MPPED1: variants seen among roughly 807,000 people sequenced by gnomAD.
MPPED1 encodes metallophosphoesterase domain containing 1, also known as metallophosphoesterase domain-containing protein 1.
In MPPED1, 16 loss-of-function variants were observed where a neutral mutation model predicts 36.2. That is an observed-to-expected ratio of 0.44 (90% CI 0.30 to 0.67). The LOEUF (loss-of-function observed/expected upper bound fraction) is 0.67. MPPED1 is among the 30% of genes least tolerant of loss of function. The pLI is 0.10. For missense variants in MPPED1, 307 were observed against 453.4 expected (o/e 0.68, Z 2.93); for synonymous variants, 199 against 191.3 (o/e 1.04, Z -0.33).
intron 3 of MPPED1, among the ~76,000 whole-genome samples, chr22:43,450,321 G>GAAGGT (rs1930519472): frequency 6.6e-6 from 1 of 152,236 alleles, no homozygotes; most frequent in Admixed American, 6.5e-5. Context: ...GCAGCCCTGA[G>GAAGGT]AAGGTCATCA....
intron 1 of MPPED1, among the ~76,000 whole-genome samples, chr22:43,415,061 G>T (rs1929029249): frequency 6.6e-6 from 1 of 152,032 alleles, no homozygotes; most frequent in Non-Finnish European, 1.5e-5. Context: ...CCCACAGCAA[G>T]AACCGTTTAA....
At chr22:43,449,422 A>ACCCCCCCCCCCCCCCCCCCCCCCACC (rs135045) in intron 3 of MPPED1, among the ~76,000 whole-genome samples, 1 of 127,332 alleles carries the variant, frequency 7.9e-6, no homozygotes, top group Admixed American at 8.3e-5. Context: ...GACAGTGCCA[A>ACCCCCCCCCCCCCCCCCCCCCCCACC]CCCCCCCCGC....
intron 4 of MPPED1, among the ~76,000 whole-genome samples, chr22:43,480,570 G>C (rs1163582363): frequency 6.6e-6 from 1 of 152,084 alleles, no homozygotes; most frequent in African/African-American, 2.4e-5. Context: ...TTTTCTTACT[G>C]GTTCATGGAG....
rs1932754500 is a variant in MPPED1 at position 43,502,413 on chromosome 22, C to T, written c.749-231C>T. ...TGCTGAGCTCTTTCAAGGAGGCCCT[C>T]AGTGCAGCCCTATGGAGGAGGAGGG... On this transcript the variant is annotated intron_variant, in intron 5 of 6. Transcript: ENST00000443721. This position sits in a 1 kb window ranked among gnomAD's most constrained non-coding sequence, Gnocchi z 5.5. Among the ~76,000 whole-genome samples, 1 of 152,218 alleles carries T rather than the reference C, an allele frequency of 6.6e-6. No homozygotes were observed.
intron 1 of MPPED1, among the ~76,000 whole-genome samples, chr22:43,419,530 G>A (rs1171263364): frequency 6.6e-6 from 1 of 152,078 alleles, no homozygotes; most frequent in South Asian, 2.1e-4. Flanking sequence ...CCTGAGAAGT[G>A]GGAGTGGGGC....
At position 43,425,094 on chromosome 22, in the gene MPPED1, C is replaced by T. The variant is rs928536190; in HGVS notation, c.109C>T (p.Arg37Trp). 2.5e-6 allele frequency: 4 copies of T among 1,613,662 alleles called. No homozygotes were observed. The highest frequency in any genetic ancestry group is 1.3e-5 in the African/African-American group (1 of 74,936). ...CCAGTCCCACGTGATGGCCGCTCGGCGGCACCAGCACAGCCGGCTCATCAT... is the reference window on the plus strand; with the variant it reads ...CCAGTCCCACGTGATGGCCGCTCGGTGGCACCAGCACAGCCGGCTCATCAT... ...FSQSHVMAAR[R>W]HQHSRLIIEV... is the part of the protein sequence containing the mutation. Residue 37 changes from arginine (R) to tryptophan (W), a missense_variant, in exon 2 of 7, where the codon CGG becomes TGG. Physicochemically the swap from Arg to Trp is moderately radical, Grantham distance 101. Coordinates refer to ENST00000443721, the MANE Select transcript of MPPED1 (RefSeq NM_001044370.2).
At chr22:43,499,013 TTC>T (rs1231431840) in intron 5 of MPPED1, among the ~76,000 whole-genome samples, 2 of 151,592 alleles carry the variant, frequency 1.3e-5, no homozygotes, top group Admixed American at 6.6e-5. Context: ...GGACAATGTC[TTC>T]TCTCTCTCTC....
chr22:43,501,765 GC>G (rs1463312999), intron 5 of MPPED1, among the ~76,000 whole-genome samples: 1 of 151,940 alleles, frequency 6.6e-6, no homozygotes, highest in Non-Finnish European at 1.5e-5. Flanking sequence ...CCCAGTGTCT[GC>G]CCCCAGCCTG....
At chr22:43,415,326 G>T (rs993641998) in intron 1 of MPPED1, among the ~76,000 whole-genome samples, 2 of 150,324 alleles carry the variant, frequency 1.3e-5, no homozygotes, top group Non-Finnish European at 3.0e-5. Context: ...GGTATAAATT[G>T]CTTCTCAGTT....
At chr22:43,437,523 C>T (rs1262309773) in intron 3 of MPPED1, among the ~76,000 whole-genome samples, 1 of 152,136 alleles carries the variant, frequency 6.6e-6, no homozygotes, top group African/African-American at 2.4e-5. Context: ...TCTGTGTTGC[C>T]TCTCCTTCTT....
intron 4 of MPPED1, among the ~76,000 whole-genome samples, chr22:43,497,056 GA>G (rs1293037096): frequency 1.4e-5 from 2 of 142,684 alleles, no homozygotes; most frequent in African/African-American, 5.2e-5. Flanking sequence ...TGGTGGTGGA[GA>G]TGGTGGTGGT....
chr22:43,465,796 G>T (rs1015779543), intron 3 of MPPED1, among the ~76,000 whole-genome samples: 1 of 152,190 alleles, frequency 6.6e-6, no homozygotes, highest in African/African-American at 2.4e-5. Flanking sequence ...CAGCAGATGC[G>T]GATGCCAGGA....
chr22:43,449,352 G>A (rs1255814910), intron 3 of MPPED1, among the ~76,000 whole-genome samples: 1 of 152,016 alleles, frequency 6.6e-6, no homozygotes, highest in Admixed American at 6.6e-5. Flanking sequence ...TGGAGGTCAC[G>A]CAGGTCTCCA....
chr22:43,477,600 G>A (rs914068210), intron 4 of MPPED1, among the ~76,000 whole-genome samples: 1 of 152,186 alleles, frequency 6.6e-6, no homozygotes, highest in Non-Finnish European at 1.5e-5. Context: ...TTTAGGACCT[G>A]GTCTCATCTT....
chr22:43,444,883 A>G (rs1930282062), intron 3 of MPPED1, among the ~76,000 whole-genome samples: 1 of 152,218 alleles, frequency 6.6e-6, no homozygotes, highest in Non-Finnish European at 1.5e-5. Context: ...AGTTGGAGAT[A>G]GTTTATAAAA....
At chr22:43,492,203 C>A (rs1255454544) in intron 4 of MPPED1, among the ~76,000 whole-genome samples, 1 of 152,082 alleles carries the variant, frequency 6.6e-6, no homozygotes, top group African/African-American at 2.4e-5. Flanking sequence ...TGAGTATTAT[C>A]CCCACTTCAC....
rs531168898 is a variant in MPPED1, at chr22:43,502,372, C to T, written c.749-272C>T. Among the ~76,000 whole-genome samples, 1 of 152,318 alleles carries T rather than the reference C, an allele frequency of 6.6e-6. No individual in the cohort carries two copies. The highest frequency in any genetic ancestry group is 1.9e-4 in the East Asian group (1 of 5,174). ...GCCAGCAGTTACTGAGCACCCCACC[C>T]CAAGTGCCTGGCCCATGCTGAGCTC... On this transcript the variant is annotated intron_variant, in intron 5 of 6. Coordinates refer to ENST00000443721, the MANE Select transcript of MPPED1 (RefSeq NM_001044370.2). The surrounding 1 kb of genome is among the most constrained non-coding windows in gnomAD (Gnocchi z 5.5).
In MPPED1 at chr22:43,470,122, CCATCCATCCATT is replaced by C. The variant is rs1468590902; in HGVS notation, c.407-4605_407-4594del. On this transcript the variant is annotated intron_variant, in intron 3 of 6. Coordinates refer to ENST00000443721, the MANE Select transcript of MPPED1 (RefSeq NM_001044370.2). Reference sequence around the variant, plus strand: ...ATCCATAAATCATCCATCCATCCATCCATCCATCCATTCATCCATCTATATATACATCTATAT... The same window carrying C: ...ATCCATAAATCATCCATCCATCCATCCATCCATCTATATATACATCTATAT... 1.1e-3 allele frequency among the ~76,000 whole-genome samples: 162 copies of C among 151,284 alleles called. 1 individual carries two copies. The highest frequency in any genetic ancestry group is 3.7e-3 in the African/African-American group (153 of 41,260).
At chr22:43,444,143 G>A (rs1930247442) in intron 3 of MPPED1, among the ~76,000 whole-genome samples, 1 of 152,154 alleles carries the variant, frequency 6.6e-6, no homozygotes, top group Non-Finnish European at 1.5e-5. Flanking sequence ...AGAATTCTAA[G>A]TTGTAGTCAA....
Sources: gnomAD v4.1 joint callset for allele counts (sites outside exome capture counted in the v4.1 genomes callset) on GRCh38, gnomAD v4.1.1 for gene constraint, Gnocchi (gnomAD v3.1) non-coding constraint, MANE v1.5 for transcripts, NCBI Gene and HGNC (gene_info 2026-07-23, HGNC 2026-07-21) for gene names.